The following MNAT1 variants were observed in gnomAD, a reference collection of about 807,000 sequenced individuals.
MNAT1 encodes the protein CDK-activating kinase assembly factor MAT1.
MNAT1 carries 43 observed loss-of-function variants against 42.0 expected under a neutral mutation model. That is an observed-to-expected ratio of 1.02 (90% CI 0.80 to 1.32). MNAT1 has a LOEUF of 1.32. Ranked by LOEUF, MNAT1 falls within the 40% of genes most tolerant of loss-of-function variation. The pLI, the probability that MNAT1 is intolerant of heterozygous loss-of-function variation, is 0.00. For missense variants in MNAT1, 306 were observed against 350.4 expected, an observed-to-expected ratio of 0.87 and a Z score of 1.01; for synonymous variants, 118 against 120.0, an observed-to-expected ratio of 0.98 and a Z score of 0.11.
chr14:60,887,974 A>G (rs1225415071), intron 7 of MNAT1, among the ~76,000 whole-genome samples: 1 of 150,408 alleles, frequency 6.6e-6, no homozygotes, highest in African/African-American at 2.4e-5. Flanking sequence ...CCAACCAAAA[A>G]GAGTCCAGGA....
intron 6 of MNAT1, among the ~76,000 whole-genome samples, chr14:60,853,580 A>G (rs1307747503): frequency 6.6e-6 from 1 of 152,120 alleles, no homozygotes; most frequent in Non-Finnish European, 1.5e-5. Flanking sequence ...TACCAGTACT[A>G]TGTTGAATAG....
At chr14:60,933,230 T>G (rs551510540) in intron 7 of MNAT1, among the ~76,000 whole-genome samples, 6 of 152,238 alleles carry the variant, frequency 3.9e-5, no homozygotes, top group Admixed American at 3.3e-4. Flanking sequence ...TATTGAGATT[T>G]TCTACCTTTC....
rs538541839 is a variant in MNAT1 at position 60,828,592 on chromosome 14, G to A, written c.687+9745G>A. 1.2e-4 allele frequency among the ~76,000 whole-genome samples: 18 copies of A among 151,490 alleles called. No individual in the cohort carries two copies. The South Asian group carries it at 3.3e-3, about 28-fold the overall frequency. ...CTGTACCACACCAACCATTTCTGCA[G>A]CAGACACCAATAGGATTTCCTACAG... On this transcript the variant is annotated intron_variant, in intron 6 of 7. Coordinates refer to ENST00000261245, the MANE Select transcript of MNAT1 (RefSeq NM_002431.4).
intron 7 of MNAT1, among the ~76,000 whole-genome samples, chr14:60,953,770 C>T (rs1396338067): frequency 6.6e-6 from 1 of 152,072 alleles, no homozygotes; most frequent in Non-Finnish European, 1.5e-5. Flanking sequence ...CTCTGTTCTC[C>T]ACACCCTTGC....
intron 6 of MNAT1, among the ~76,000 whole-genome samples, chr14:60,850,397 C>G (rs767215050): frequency 1.6e-4 from 24 of 152,164 alleles, no homozygotes; most frequent in Admixed American, 8.5e-4. Context: ...TACTTTTCCA[C>G]TAGGAGCATT....
At chr14:60,907,435 C>CAAA (rs35266802) in intron 7 of MNAT1, among the ~76,000 whole-genome samples, 1 of 65,086 alleles carries the variant, frequency 1.5e-5, no homozygotes, top group Non-Finnish European at 3.3e-5. Flanking sequence ...TCTGTCTCAC[C>CAAA]AAAAAAAAAA....
chr14:60,908,157 C>A (rs1411993847), intron 7 of MNAT1, among the ~76,000 whole-genome samples: 1 of 151,896 alleles, frequency 6.6e-6, no homozygotes, highest in Non-Finnish European at 1.5e-5. Context: ...ATAAATTGTG[C>A]CATTTTTAAA....
At chr14:60,843,929 G>T (rs2033615159) in intron 6 of MNAT1, among the ~76,000 whole-genome samples, 1 of 152,066 alleles carries the variant, frequency 6.6e-6, no homozygotes, top group Admixed American at 6.6e-5. Flanking sequence ...ATTTATAGTT[G>T]GGTTCCTGAT....
intron 3 of MNAT1, among the ~76,000 whole-genome samples, chr14:60,798,436 CTG>C (rs2139330488): frequency 6.6e-6 from 1 of 152,196 alleles, no homozygotes; most frequent in East Asian, 1.9e-4. Context: ...GTACATGCAT[CTG>C]TGTGTTGATA....
intron 1 of MNAT1, among the ~76,000 whole-genome samples, chr14:60,772,219 A>G (rs749981308): frequency 9.9e-5 from 15 of 152,172 alleles, no homozygotes; most frequent in Non-Finnish European, 4.4e-5. Flanking sequence ...CTCTGATTGC[A>G]CCACTGCCTC....
At chr14:60,859,662 A>AT (rs1173678478) in intron 6 of MNAT1, among the ~76,000 whole-genome samples, 6 of 152,034 alleles carry the variant, frequency 3.9e-5, no homozygotes, top group Admixed American at 3.3e-4. Flanking sequence ...AAGTTTCACA[A>AT]TTTTTTTTAA....
At chr14:60,789,953 T>C (rs1333899891) in intron 1 of MNAT1, among the ~76,000 whole-genome samples, 1 of 152,150 alleles carries the variant, frequency 6.6e-6, no homozygotes, top group Non-Finnish European at 1.5e-5. Flanking sequence ...TTTCTTTCTT[T>C]TTTTTTCTAT....
At chr14:60,897,281 A>G (rs1043103161) in intron 7 of MNAT1, among the ~76,000 whole-genome samples, 1 of 152,286 alleles carries the variant, frequency 6.6e-6, no homozygotes, top group Non-Finnish European at 1.5e-5. Context: ...GTAGTTTCAT[A>G]TAAGAGTTAC....
At chr14:60,952,948 C>T (rs1042923720) in intron 7 of MNAT1, among the ~76,000 whole-genome samples, 3 of 151,912 alleles carry the variant, frequency 2.0e-5, no homozygotes, top group African/African-American at 7.3e-5. Flanking sequence ...TGGCCCGGGG[C>T]ATAGACTGAT....
chr14:60,903,597 C>A (rs1205173886), intron 7 of MNAT1, among the ~76,000 whole-genome samples: 2 of 152,122 alleles, frequency 1.3e-5, no homozygotes. Flanking sequence ...ACCAGCACAG[C>A]CACGATATAG....
intron 1 of MNAT1, among the ~76,000 whole-genome samples, chr14:60,757,763 A>G (rs1237449371): frequency 6.6e-6 from 1 of 152,194 alleles, no homozygotes; most frequent in Non-Finnish European, 1.5e-5. Flanking sequence ...AAAACTGTTC[A>G]TGCATTTCCG....
intron 3 of MNAT1, among the ~76,000 whole-genome samples, 185 bp downstream of exon 3, chr14:60,798,345 A>G (rs534144288): frequency 2.6e-5 from 4 of 152,312 alleles, no homozygotes; most frequent in Non-Finnish European, 5.9e-5. Flanking sequence ...TAAGTAAAGA[A>G]CCTATTTAAT....
chr14:60,810,790 C>G (rs569674337), intron 4 of MNAT1, among the ~76,000 whole-genome samples: 2 of 152,074 alleles, frequency 1.3e-5, no homozygotes, highest in Admixed American at 6.6e-5. Flanking sequence ...GTAGAAAGTT[C>G]TGTGTGTGCT....
intron 6 of MNAT1, among the ~76,000 whole-genome samples, chr14:60,828,444 C>T (rs1490723625): frequency 6.6e-6 from 1 of 151,762 alleles, no homozygotes; most frequent in African/African-American, 2.4e-5. Context: ...GTTATTTTAT[C>T]TATAGACTCC....
Sources: gnomAD v4.1 joint callset for allele counts (sites outside exome capture counted in the v4.1 genomes callset) on GRCh38, gnomAD v4.1.1 for gene constraint, MANE v1.5 for transcripts, NCBI Gene and HGNC (gene_info 2026-07-23, HGNC 2026-07-21) for gene names.